Variants in COL5A2 observed in about 807,000 individuals in gnomAD.
COL5A2 encodes collagen type V alpha 2 chain.
Under a neutral mutation model 208.2 loss-of-function variants are expected in COL5A2, and 23 were observed. The ratio of observed to expected loss-of-function variants is 0.11; its 90% confidence interval spans 0.08 to 0.16. The LOEUF is 0.16. Ranked by LOEUF, COL5A2 falls within the 10% of genes least tolerant of loss-of-function variation. The pLI is 1.00. For synonymous variants in COL5A2, 625 were observed against 628.5 expected, an observed-to-expected ratio of 0.99 and a Z score of 0.08; for missense variants, 1,590 against 1,956.4, an observed-to-expected ratio of 0.81 and a Z score of 3.53.
At chr2:189,287,443 GATGA>G in the COL5A2 span, among the ~76,000 whole-genome samples, 2 of 152,108 alleles carry the variant, frequency 1.3e-5, no homozygotes, top group South Asian at 4.2e-4. Context: ...GTTGGGGAAA[GATGA>G]ATGATGTATG....
At chr2:189,410,715 C>T in the COL5A2 span, among the ~76,000 whole-genome samples, 1 of 151,926 alleles carries the variant, frequency 6.6e-6, no homozygotes, top group Admixed American at 6.6e-5. Context: ...AAACTCAAGG[C>T]TTGTTTATGT....
the COL5A2 span, among the ~76,000 whole-genome samples, chr2:189,371,835 A>C: frequency 6.6e-6 from 1 of 152,232 alleles, no homozygotes; most frequent in Admixed American, 6.5e-5. Context: ...GAAAAATAAA[A>C]ACCATTTTCA....
chr2:189,223,399 T>C (rs1375990707), intron 1 of COL5A2, among the ~76,000 whole-genome samples: 1 of 152,170 alleles, frequency 6.6e-6, no homozygotes, highest in Admixed American at 6.5e-5. Context: ...CCTCATTCAC[T>C]GAGTCTCTGT....
chr2:189,193,596 C>A (rs574359873), intron 1 of COL5A2, among the ~76,000 whole-genome samples: 10 of 152,252 alleles, frequency 6.6e-5, no homozygotes, highest in African/African-American at 2.4e-4. Flanking sequence ...GCAGCACAAA[C>A]CTCATTTTAT....
rs1161880806 is a variant in COL5A2 at position 189,033,169 on chromosome 2, A to C, written c.*901T>G. 2 of 152,610 alleles carry C rather than the reference A, an allele frequency of 1.3e-5. No homozygotes were observed. The highest frequency in any genetic ancestry group is 2.9e-5 in the Non-Finnish European group (2 of 68,018). 9.5% of individuals were successfully genotyped at this position (152,610 alleles called of 1,614,324 possible). Reference sequence around the variant, plus strand: ...ATAGGCTTCAGGATGATGAGATTGTACATGTGGAAGAGTCTCAATTTAGAG... The same window carrying C: ...ATAGGCTTCAGGATGATGAGATTGTCCATGTGGAAGAGTCTCAATTTAGAG... On this transcript the variant is annotated 3_prime_UTR_variant, in exon 54 of 54. Transcript: ENST00000374866.
At position 189,191,777 on chromosome 2, in the gene COL5A2, A is replaced by AT. The variant is rs528786568; in HGVS notation, c.-42+33370dup. ...TATCATTATACTTCAGAGTACTTTT[A>AT]TTTTTTTATGATTTTACTAAGCTAA... On this transcript the variant is annotated intron_variant, in intron 1 of 10. Transcript: ENST00000649966. 6.5e-3 allele frequency among the ~76,000 whole-genome samples: 991 copies of AT among 152,062 alleles called. 3 individuals are homozygous for AT. The highest frequency in any genetic ancestry group is 0.011 in the Non-Finnish European group (723 of 67,978).
chr2:189,369,749 G>A, the COL5A2 span, among the ~76,000 whole-genome samples: 1 of 152,136 alleles, frequency 6.6e-6, no homozygotes, highest in Non-Finnish European at 1.5e-5. Flanking sequence ...AAATATATTT[G>A]TAATAGCTTC....
chr2:189,099,266 G>C (rs549065284), intron 4 of COL5A2, among the ~76,000 whole-genome samples: 2 of 148,336 alleles, frequency 1.3e-5, no homozygotes, highest in Admixed American at 1.3e-4. Context: ...GGTAATCTTC[G>C]TTAAAAAAAC....
At chr2:189,409,003 C>G in the COL5A2 span, among the ~76,000 whole-genome samples, 1 of 151,982 alleles carries the variant, frequency 6.6e-6, no homozygotes, top group Non-Finnish European at 1.5e-5. Context: ...CCCATTCATT[C>G]CCTTATTTGA....
At chr2:189,132,080 T>C (rs1480610162) in intron 1 of COL5A2, among the ~76,000 whole-genome samples, 1 of 152,182 alleles carries the variant, frequency 6.6e-6, no homozygotes, top group Non-Finnish European at 1.5e-5. Flanking sequence ...GTCTGTTCTT[T>C]GAAAAAATAA....
chr2:189,084,463 T>C (rs6434322), intron 11 of COL5A2, among the ~76,000 whole-genome samples: 132,908 of 152,200 alleles, frequency 0.87, 58,741 homozygotes, highest in Non-Finnish European at 0.95. Context: ...GAAAAGACTA[T>C]CAGAAATATG....
the COL5A2 span, among the ~76,000 whole-genome samples, chr2:189,326,643 A>G: frequency 1.3e-5 from 2 of 151,986 alleles, no homozygotes; most frequent in Non-Finnish European, 2.9e-5. Flanking sequence ...CAGTAAGCCA[A>G]TCACACCATT....
the COL5A2 span, among the ~76,000 whole-genome samples, chr2:189,265,368 C>T: frequency 3.3e-5 from 5 of 152,256 alleles, no homozygotes; most frequent in East Asian, 7.7e-4. Flanking sequence ...AAAGGAGCCC[C>T]CTTCCTTGAC....
At chr2:189,410,566 T>C in the COL5A2 span, among the ~76,000 whole-genome samples, 1 of 151,902 alleles carries the variant, frequency 6.6e-6, no homozygotes, top group Non-Finnish European at 1.5e-5. Context: ...ACCCTGTCTC[T>C]TAAAAAAAAA....
chr2:189,279,460 G>C, the COL5A2 span, among the ~76,000 whole-genome samples: 1 of 149,362 alleles, frequency 6.7e-6, no homozygotes, highest in Non-Finnish European at 1.5e-5. Flanking sequence ...TGCATAGATA[G>C]TTATAGATAT....
At chr2:189,412,488 C>T in the COL5A2 span, among the ~76,000 whole-genome samples, 1 of 152,102 alleles carries the variant, frequency 6.6e-6, no homozygotes, top group Non-Finnish European at 1.5e-5. Context: ...TAATTATAAT[C>T]TCTGGTTAGG....
intron 6 of COL5A2, among the ~76,000 whole-genome samples, chr2:189,094,383 T>C (rs1027557974): frequency 6.6e-5 from 10 of 151,976 alleles, no homozygotes; most frequent in African/African-American, 2.4e-4. Context: ...ACATAATTCT[T>C]ATATTAAGGT....
At chr2:189,226,894 C>T (rs187323002), upstream of COL5A2, among the ~76,000 whole-genome samples, 2 of 152,094 alleles carry the variant, frequency 1.3e-5, no homozygotes, top group African/African-American at 2.4e-5. Context: ...AAGATTTGAG[C>T]GGCATGTTGC....
intron 1 of COL5A2, among the ~76,000 whole-genome samples, chr2:189,119,427 G>A (rs535628923): frequency 2.5e-4 from 38 of 152,078 alleles, no homozygotes; most frequent in Non-Finnish European, 4.4e-4. Flanking sequence ...AGAATGAATC[G>A]GAGATTTTTC....
Sources: gnomAD v4.1 joint callset for allele counts (sites outside exome capture counted in the v4.1 genomes callset) on GRCh38, gnomAD v4.1.1 for gene constraint, MANE v1.5 for transcripts, NCBI Gene and HGNC (gene_info 2026-07-23, HGNC 2026-07-21) for gene names.